CRYBG1: variants seen among roughly 807,000 people sequenced by gnomAD.
The protein encoded by CRYBG1 is beta/gamma crystallin domain-containing protein 1.
In CRYBG1, 139 loss-of-function variants were observed where a neutral mutation model predicts 189.2. The ratio of observed to expected loss-of-function variants is 0.73; its 90% CI spans 0.64 to 0.85. The LOEUF (loss-of-function observed/expected upper bound fraction) is 0.85. Among genes scored for constraint, CRYBG1 ranks in the 40% least tolerant of loss-of-function variants. The probability of loss-of-function intolerance (pLI) is 0.00; values close to 1 mark genes in which losing one functional copy is unlikely to be tolerated. For missense variants in CRYBG1, 2,611 were observed against 2,675.8 expected, an observed-to-expected ratio of 0.98 and a Z score of 0.53; for synonymous variants, 1,023 against 1,017.1, an observed-to-expected ratio of 1.01 and a Z score of -0.11.
intron 1 of CRYBG1, among the ~76,000 whole-genome samples, chr6:106,388,074 T>G (rs145740637): frequency 1.0e-3 from 154 of 152,314 alleles, no homozygotes; most frequent in African/African-American, 3.2e-3. Context: ...GGCACTCCCT[T>G]TGACTCTGAG....
intron 7 of CRYBG1, among the ~76,000 whole-genome samples, chr6:106,528,425 G>A (rs1249397809): frequency 2.6e-5 from 4 of 152,158 alleles, no homozygotes; most frequent in Non-Finnish European, 5.9e-5. Flanking sequence ...CCATCATGAA[G>A]TGTCCCCTCC....
intron 20 of CRYBG1, among the ~76,000 whole-genome samples, chr6:106,562,703 G>A (rs1294431431): frequency 6.6e-6 from 1 of 152,204 alleles, no homozygotes; most frequent in Non-Finnish European, 1.5e-5. Context: ...TGGCCAGGAT[G>A]GTCTTGATCT....
chr6:106,525,456 C>G, intron 6 of CRYBG1, 70 bp downstream of exon 6: 1 of 1,186,886 alleles, frequency 8.4e-7, no homozygotes, highest in Non-Finnish European at 1.3e-6. Context: ...CTTTTTAGTC[C>G]TCACTACTAG....
At chr6:106,435,637 T>C (rs933774135) in intron 1 of CRYBG1, among the ~76,000 whole-genome samples, 2 of 152,336 alleles carry the variant, frequency 1.3e-5, no homozygotes, top group Admixed American at 6.5e-5. Flanking sequence ...AGTCTCATGC[T>C]GTCACTCAGG....
intron 1 of CRYBG1, among the ~76,000 whole-genome samples, chr6:106,418,361 C>A (rs1316652625): frequency 1.3e-5 from 2 of 152,236 alleles, no homozygotes; most frequent in Non-Finnish European, 2.9e-5. Context: ...TCACAGGTTT[C>A]ATCTGGGACC....
At chr6:106,567,035 A>G (rs1774909385) in intron 21 of CRYBG1, among the ~76,000 whole-genome samples, 1 of 152,248 alleles carries the variant, frequency 6.6e-6, no homozygotes, top group Non-Finnish European at 1.5e-5. Flanking sequence ...TCCAAAGGCA[A>G]GAGAATGAAT....
chr6:106,364,548 G>A (rs969029205), intron 1 of CRYBG1, among the ~76,000 whole-genome samples: 4 of 151,938 alleles, frequency 2.6e-5, no homozygotes, highest in Non-Finnish European at 4.4e-5. Context: ...ATGGTCATAT[G>A]ATGTTATTTT....
At chr6:106,468,491 A>G (rs1185479265) in intron 2 of CRYBG1, among the ~76,000 whole-genome samples, 2 of 152,202 alleles carry the variant, frequency 1.3e-5, no homozygotes, top group African/African-American at 4.8e-5. Flanking sequence ...GGCCGTGACT[A>G]TCTTCTTATT....
intron 2 of CRYBG1, among the ~76,000 whole-genome samples, chr6:106,480,762 A>G (rs899077467): frequency 4.0e-5 from 6 of 151,896 alleles, no homozygotes; most frequent in African/African-American, 1.4e-4. Flanking sequence ...ACTTGAGGCC[A>G]GTAGTTTGAG....
At position 106,468,661 on chromosome 6, in the gene CRYBG1, G is replaced by T. The variant is rs149073015; in HGVS notation, c.312+16829G>T. 4.5e-4 allele frequency among the ~76,000 whole-genome samples: 69 copies of T among 152,288 alleles called. 1 individual carries two copies. In the East Asian group the frequency reaches 0.013, roughly 29 times the overall value. The stretch of plus-strand genomic sequence containing the variant: ...GCCATGATAGTGCCATTGCACTCCA[G>T]CCTGGGTGATAGAGTGAGACTTTGT... On this transcript the variant is annotated intron_variant, in intron 2 of 21. Transcript: ENST00000633556.
chr6:106,541,055 C>A (rs1418824008), intron 9 of CRYBG1: 2 of 284,752 alleles, frequency 7.0e-6, no homozygotes, highest in Non-Finnish European at 1.4e-5. Flanking sequence ...ATTATGTGAA[C>A]TTCAACACAT....
chr6:106,423,005 C>T lies in CRYBG1; in HGVS notation c.174-28689C>T, dbSNP rs74450938. ...AAATACTCTGGAAGTGAATTGCTCC[C>T]GTAGATAAGTTCCACAAAGCCTTGG... On this transcript the variant is annotated intron_variant, in intron 1 of 21. Transcript: ENST00000633556. Among the ~76,000 whole-genome samples the T allele has an allele frequency of 2.6e-3, 397 of 152,194 alleles. 1 individual carries two copies. Among genetic ancestry groups the T allele is most frequent in the African/African-American group, 9.4e-3 (391 of 41,524 alleles).
intron 1 of CRYBG1, among the ~76,000 whole-genome samples, chr6:106,369,013 C>G (rs1267714460): frequency 6.6e-6 from 1 of 152,158 alleles, no homozygotes; most frequent in African/African-American, 2.4e-5. Context: ...CTTTACAGAG[C>G]TTGAAGTAAT....
intron 2 of CRYBG1, among the ~76,000 whole-genome samples, chr6:106,460,402 T>C (rs748224381): frequency 1.3e-5 from 2 of 152,218 alleles, no homozygotes; most frequent in Non-Finnish European, 2.9e-5. Context: ...GCTGAAGATA[T>C]TGTGCTAAAG....
intron 2 of CRYBG1, among the ~76,000 whole-genome samples, chr6:106,462,788 G>A (rs1772039310): frequency 6.6e-6 from 1 of 152,188 alleles, no homozygotes; most frequent in African/African-American, 2.4e-5. Flanking sequence ...GACAGGTGAT[G>A]TTGTCTTAAG....
In CRYBG1 at chr6:106,512,420, G is replaced by A. The variant is rs1442184944; in HGVS notation, c.1303G>A (p.Ala435Thr). 3 of 1,608,768 alleles carry A rather than the reference G, an allele frequency of 1.9e-6. No homozygotes were observed. Among genetic ancestry groups the A allele is most frequent in the Middle Eastern group, 1.7e-4 (1 of 5,948 alleles). ...ATCCACCGACTCCCCCGGCGCGGAC[G>A]CCGAGCTCCCTGAGAGCGCTGCCAG... ...QKSTDSPGADAELPESAARDD... is the reference protein window; with the variant it reads ...QKSTDSPGADTELPESAARDD... Residue 435 changes from alanine (A) to threonine (T), a missense_variant, in exon 3 of 22, where the codon GCC becomes ACC. Physicochemically the swap from Ala to Thr is moderately conservative, Grantham distance 58. This residue lies in a region of CRYBG1 where 985 missense variants were observed against 924.4 expected (regional missense o/e 1.07). Transcript: ENST00000633556.
intron 2 of CRYBG1, among the ~76,000 whole-genome samples, chr6:106,483,396 ATATAT>A (rs1281163521): frequency 1.5e-5 from 2 of 130,402 alleles, no homozygotes; most frequent in East Asian, 2.5e-4. Flanking sequence ...ATATAGATAT[ATATAT>A]AAAACATTTT....
intron 1 of CRYBG1, among the ~76,000 whole-genome samples, chr6:106,434,564 T>G (rs1006304782): frequency 1.1e-4 from 17 of 152,304 alleles, no homozygotes; most frequent in African/African-American, 3.8e-4. Context: ...CAAGCAAGCC[T>G]CTAGACTCCT....
intron 2 of CRYBG1, among the ~76,000 whole-genome samples, chr6:106,505,595 A>C (rs905892889): frequency 6.6e-6 from 1 of 151,996 alleles, no homozygotes; most frequent in Non-Finnish European, 1.5e-5. Flanking sequence ...TTCTTTAGTT[A>C]GCTGTCACGA....
Sources: gnomAD v4.1 joint callset for allele counts (sites outside exome capture counted in the v4.1 genomes callset) on GRCh38, gnomAD v4.1.1 for gene constraint, gnomAD v4.1.1 regional missense constraint, MANE v1.5 for transcripts, NCBI Gene and HGNC (gene_info 2026-07-23, HGNC 2026-07-21) for gene names.